PHF14: variants seen among roughly 807,000 people sequenced by gnomAD.
PHF14 encodes the protein PHD finger protein 14.
In PHF14, 55 loss-of-function variants were observed where a neutral mutation model predicts 117.9. That is an observed-to-expected ratio of 0.47 (90% confidence interval 0.38 to 0.58). The LOEUF (loss-of-function observed/expected upper bound fraction) is 0.58. Among genes scored for constraint, PHF14 ranks in the 20% least tolerant of loss-of-function variants. The pLI is 0.00. For synonymous variants in PHF14, 409 were observed against 368.6 expected (o/e 1.11, Z -1.26); for missense variants, 978 against 1,122.2 (o/e 0.87, Z 1.84).
At chr7:11,038,526 T>G (rs1784388676) in intron 10 of PHF14, among the ~76,000 whole-genome samples, 1 of 151,126 alleles carries the variant, frequency 6.6e-6, no homozygotes, top group South Asian at 2.1e-4. Flanking sequence ...GATGTGGTGG[T>G]GCACACCTGT....
At chr7:11,139,175 A>G (rs913946015) in intron 17 of PHF14, among the ~76,000 whole-genome samples, 2 of 152,196 alleles carry the variant, frequency 1.3e-5, no homozygotes, top group Non-Finnish European at 2.9e-5. Context: ...ATTTGCCACT[A>G]TCATAGAAGT....
intron 17 of PHF14, among the ~76,000 whole-genome samples, chr7:11,118,448 T>C (rs1231493393): frequency 2.0e-5 from 3 of 151,846 alleles, no homozygotes; most frequent in Non-Finnish European, 4.4e-5. Context: ...TAGTTTCTAA[T>C]TGAGTGCTGT....
At chr7:11,010,231 T>G (rs1783298993) in intron 4 of PHF14, among the ~76,000 whole-genome samples, 1 of 152,164 alleles carries the variant, frequency 6.6e-6, no homozygotes, top group African/African-American at 2.4e-5. Flanking sequence ...GATTTTTCTT[T>G]GAATATAATG....
chr7:11,116,052 A>C (rs1468966194), intron 17 of PHF14, among the ~76,000 whole-genome samples: 2 of 152,012 alleles, frequency 1.3e-5, no homozygotes, highest in Non-Finnish European at 2.9e-5. Flanking sequence ...ACTATGTAAA[A>C]ATATCCTATT....
intron 16 of PHF14, among the ~76,000 whole-genome samples, chr7:11,079,188 C>A (rs1785983419): frequency 6.6e-6 from 1 of 152,148 alleles, no homozygotes; most frequent in South Asian, 2.1e-4. Context: ...AAAGGAGCTT[C>A]TTCTAATTCT....
intron 16 of PHF14, among the ~76,000 whole-genome samples, chr7:11,098,076 T>C (rs1375699430): frequency 2.6e-5 from 4 of 152,060 alleles, no homozygotes; most frequent in Non-Finnish European, 5.9e-5. Flanking sequence ...TCTTTTAAAA[T>C]CTTTTGTTAA....
chr7:11,077,828 G>A (rs1199050996), intron 16 of PHF14, among the ~76,000 whole-genome samples: 3 of 152,114 alleles, frequency 2.0e-5, no homozygotes, highest in Admixed American at 2.0e-4. Context: ...TTGAAATTTA[G>A]TAAGCTTAGC....
intron 6 of PHF14, among the ~76,000 whole-genome samples, chr7:11,027,648 TTGAC>T (rs1783971429): frequency 6.6e-6 from 1 of 152,132 alleles, no homozygotes; most frequent in Non-Finnish European, 1.5e-5. Context: ...ATGTACATAA[TTGAC>T]TGTGTTGTAT....
chr7:10,977,336 A>G (rs2128306999), intron 2 of PHF14, among the ~76,000 whole-genome samples: 1 of 152,292 alleles, frequency 6.6e-6, no homozygotes. Context: ...AGAACTTAAT[A>G]TTAAAGTGGT....
At position 11,104,431 on chromosome 7, in the gene PHF14, C is replaced by G. The variant is rs1787189799; in HGVS notation, c.2655-6919C>G. The G allele has an allele frequency of 3.1e-6, 3 of 957,424 alleles. No individual in the cohort carries two copies. The Admixed American group carries it at 1.9e-4, about 59-fold the overall frequency. 59.3% of individuals were successfully genotyped at this position (957,424 alleles called of 1,614,324 possible). ...CTCATATCCACAGTATAAAATTATTCCGTGTCCATAATCGGTCCAACTACT... is the reference window on the plus strand; with the variant it reads ...CTCATATCCACAGTATAAAATTATTGCGTGTCCATAATCGGTCCAACTACT... On this transcript the variant is annotated intron_variant, in intron 16 of 17. Coordinates refer to ENST00000634607, the MANE Select transcript of PHF14 (RefSeq NM_001007157.2).
chr7:11,069,018 T>TA (rs1785519847), intron 16 of PHF14, among the ~76,000 whole-genome samples: 1 of 152,152 alleles, frequency 6.6e-6, no homozygotes, highest in East Asian at 1.9e-4. Context: ...TGTTTTCTGT[T>TA]AGAGTTTAGA....
At chr7:11,070,018 C>A (rs1785560827) in intron 16 of PHF14, among the ~76,000 whole-genome samples, 1 of 152,056 alleles carries the variant, frequency 6.6e-6, no homozygotes, top group Non-Finnish European at 1.5e-5. Context: ...ACCATCTGAA[C>A]CTAGAGTTTT....
chr7:11,005,572 A>G (rs934708076), intron 4 of PHF14, among the ~76,000 whole-genome samples: 2 of 152,068 alleles, frequency 1.3e-5, no homozygotes, highest in African/African-American at 4.8e-5. Context: ...TTTTTCTACA[A>G]CTTGCTTTGT....
At chr7:11,037,709 C>G (rs866168630) in intron 10 of PHF14, among the ~76,000 whole-genome samples, 1 of 152,084 alleles carries the variant, frequency 6.6e-6, no homozygotes, top group Admixed American at 6.5e-5. Flanking sequence ...CCAAGTATAA[C>G]TTGACATATA....
intron 16 of PHF14, among the ~76,000 whole-genome samples, chr7:11,097,629 T>C (rs972055308): frequency 1.3e-5 from 2 of 152,222 alleles, no homozygotes; most frequent in Non-Finnish European, 2.9e-5. Flanking sequence ...ATTGTTTGAA[T>C]ACTTTCCCTT....
chr7:11,002,551 G>T (rs1296153102), intron 4 of PHF14, among the ~76,000 whole-genome samples: 2 of 152,080 alleles, frequency 1.3e-5, no homozygotes. Context: ...CAATTCTCCT[G>T]TCTCAGCCTC....
intron 4 of PHF14, among the ~76,000 whole-genome samples, chr7:11,013,163 T>C (rs1432185048): frequency 6.6e-6 from 1 of 152,118 alleles, no homozygotes; most frequent in East Asian, 1.9e-4. Context: ...TTATATTTTA[T>C]ATTTTTATTT....
intron 17 of PHF14, among the ~76,000 whole-genome samples, chr7:11,119,871 C>T (rs1230536814): frequency 1.3e-5 from 2 of 151,784 alleles, no homozygotes; most frequent in East Asian, 3.9e-4. Flanking sequence ...TATAGTTGAG[C>T]ATTCCAATTT....
intron 16 of PHF14, among the ~76,000 whole-genome samples, chr7:11,088,564 T>C (rs1307813305): frequency 6.6e-6 from 1 of 152,246 alleles, no homozygotes; most frequent in Non-Finnish European, 1.5e-5. Flanking sequence ...TCCTGCTTTT[T>C]CATTTTAATG....
Sources: allele counts gnomAD v4.1 joint callset (sites outside exome capture counted in the v4.1 genomes callset), GRCh38; gene constraint gnomAD v4.1.1; transcripts MANE v1.5; gene names NCBI Gene and HGNC (gene_info 2026-07-23, HGNC 2026-07-21).